Variants in PTPRD observed in about 807,000 individuals in gnomAD.
PTPRD encodes receptor-type tyrosine-protein phosphatase delta.
A neutral mutation model predicts 214.5 loss-of-function variants in PTPRD; 34 were observed. The observed-to-expected ratio is 0.16, with a 90% confidence interval of 0.12 to 0.21. PTPRD has a LOEUF of 0.21. Among genes scored for constraint, PTPRD ranks in the 10% least tolerant of loss-of-function variants. PTPRD has a pLI of 1.00. For synonymous variants in PTPRD, 1,128 were observed against 845.7 expected (o/e 1.33, Z -5.79); for missense variants, 2,545 against 2,398.7 (o/e 1.06, Z -1.27).
intron 2 of PTPRD, among the ~76,000 whole-genome samples, chr9:10,521,262 T>C (rs2052162277): frequency 6.6e-6 from 1 of 152,058 alleles, no homozygotes; most frequent in Non-Finnish European, 1.5e-5. Context: ...TGGATGAAGT[T>C]ACTACAGAGG....
chr9:8,781,369 T>G (rs2095689051), intron 11 of PTPRD, among the ~76,000 whole-genome samples: 1 of 152,126 alleles, frequency 6.6e-6, no homozygotes, highest in South Asian at 2.1e-4. Flanking sequence ...GAGTGAAAAT[T>G]ACCAGTTCCA....
chr9:9,801,308 G>T (rs75359144), intron 5 of PTPRD, among the ~76,000 whole-genome samples: 3,004 of 150,662 alleles, frequency 0.02, 95 homozygotes, highest in African/African-American at 0.07. Flanking sequence ...TCTCTATGCT[G>T]TATCAGGTAT....
chr9:9,120,297 T>A (rs1175443327), intron 10 of PTPRD, among the ~76,000 whole-genome samples: 1 of 152,316 alleles, frequency 6.6e-6, no homozygotes, highest in South Asian at 2.1e-4. Context: ...TGGGGGAGCA[T>A]CAGCTTGGGA....
At chr9:10,451,626 G>T (rs1442110925) in intron 2 of PTPRD, among the ~76,000 whole-genome samples, 1 of 151,472 alleles carries the variant, frequency 6.6e-6, no homozygotes, top group Non-Finnish European at 1.5e-5. Flanking sequence ...TCAGCAACTA[G>T]ATCAGTGACA....
At chr9:8,665,348 G>A (rs1308099338) in intron 12 of PTPRD, among the ~76,000 whole-genome samples, 2 of 152,188 alleles carry the variant, frequency 1.3e-5, no homozygotes, top group East Asian at 3.9e-4. Flanking sequence ...GCACTGGGGA[G>A]TAGCATGATG....
At chr9:8,904,819 T>C (rs1433945156) in intron 11 of PTPRD, among the ~76,000 whole-genome samples, 3 of 152,190 alleles carry the variant, frequency 2.0e-5, no homozygotes, top group Admixed American at 6.5e-5. Context: ...TGTACACTCA[T>C]AATGCATGTT....
intron 12 of PTPRD, among the ~76,000 whole-genome samples, chr9:8,722,607 T>G (rs2098513068): frequency 1.3e-5 from 2 of 152,208 alleles, no homozygotes; most frequent in African/African-American, 4.8e-5. Flanking sequence ...TGCTGTAATT[T>G]TGACAAAATG....
intron 8 of PTPRD, among the ~76,000 whole-genome samples, chr9:9,417,536 T>C (rs1390320432): frequency 6.6e-6 from 1 of 152,088 alleles, no homozygotes; most frequent in Non-Finnish European, 1.5e-5. Context: ...CTCCAGTTCA[T>C]TCTTTCTAAT....
rs118158416 is a variant in PTPRD at position 10,437,187 on chromosome 9, G to T, written c.-599-96170C>A. On this transcript the variant is annotated intron_variant, in intron 2 of 45. Transcript: ENST00000381196. ...ATCCTCATGAGACTATATGAAATTTGAAATGGTTTTGGAATCCACATTTTA... is the reference window on the plus strand; with the variant it reads ...ATCCTCATGAGACTATATGAAATTTTAAATGGTTTTGGAATCCACATTTTA... Among the ~76,000 whole-genome samples, 9 of 151,844 alleles carry T rather than the reference G, an allele frequency of 5.9e-5. No homozygotes were observed. In the East Asian group the frequency reaches 1.8e-3, roughly 30 times the overall value.
chr9:9,767,835 A>C (rs980444092), intron 5 of PTPRD, among the ~76,000 whole-genome samples: 23 of 152,292 alleles, frequency 1.5e-4, no homozygotes, highest in Admixed American at 3.9e-4. Flanking sequence ...TTCTAGAAGA[A>C]ACCTAACTGG....
At chr9:9,152,213 C>A (rs1410329976) in intron 10 of PTPRD, among the ~76,000 whole-genome samples, 4 of 152,146 alleles carry the variant, frequency 2.6e-5, no homozygotes, top group Non-Finnish European at 5.9e-5. Flanking sequence ...AGCTTTCTGG[C>A]AAATCAGAGC....
At chr9:8,933,726 G>A (rs1269704731) in intron 11 of PTPRD, among the ~76,000 whole-genome samples, 1 of 152,032 alleles carries the variant, frequency 6.6e-6, no homozygotes, top group Non-Finnish European at 1.5e-5. Flanking sequence ...CTATTTTGGG[G>A]TTCAAATGAC....
intron 2 of PTPRD, among the ~76,000 whole-genome samples, chr9:10,510,143 G>C (rs2133733630): frequency 6.6e-6 from 1 of 152,092 alleles, no homozygotes; most frequent in South Asian, 2.1e-4. Flanking sequence ...CTTTGTATTT[G>C]GCCTTAGAAT....
chr9:8,727,050 A>T (rs2098589966), intron 12 of PTPRD, among the ~76,000 whole-genome samples: 1 of 152,088 alleles, frequency 6.6e-6, no homozygotes, highest in South Asian at 2.1e-4. Flanking sequence ...AGAAGTTAAG[A>T]ATGTTAAGGG....
At chr9:9,789,790 CTGTCTCAAAAAA>C (rs2098954051) in intron 5 of PTPRD, among the ~76,000 whole-genome samples, 4 of 71,800 alleles carry the variant, frequency 5.6e-5, no homozygotes, top group African/African-American at 2.3e-4. Flanking sequence ...GAGCCAAACT[CTGTCTCAAAAAA>C]AAAAAAAAAA....
At chr9:9,859,120 T>A (rs879560032) in intron 5 of PTPRD, among the ~76,000 whole-genome samples, 7 of 152,154 alleles carry the variant, frequency 4.6e-5, no homozygotes, top group Admixed American at 2.0e-4. Flanking sequence ...TCCCCCATGC[T>A]CACACGCACA....
chr9:8,873,373 T>C (rs1279067856), intron 11 of PTPRD, among the ~76,000 whole-genome samples: 1 of 152,224 alleles, frequency 6.6e-6, no homozygotes, highest in East Asian at 1.9e-4. Flanking sequence ...GTTTTAATTA[T>C]TTCTTTAATA....
chr9:10,207,046 G>A (rs985375201), intron 3 of PTPRD, among the ~76,000 whole-genome samples: 1 of 152,036 alleles, frequency 6.6e-6, no homozygotes, highest in African/African-American at 2.4e-5. Context: ...GAGCTGATGA[G>A]TTTTATTGTA....
At chr9:9,953,616 C>T (rs1348148871) in intron 4 of PTPRD, among the ~76,000 whole-genome samples, 1 of 152,016 alleles carries the variant, frequency 6.6e-6, no homozygotes, top group African/African-American at 2.4e-5. Flanking sequence ...CATGTAGGAT[C>T]TGGTATTTGT....
Sources: allele counts gnomAD v4.1 joint callset (sites outside exome capture counted in the v4.1 genomes callset), GRCh38; gene constraint gnomAD v4.1.1; transcripts MANE v1.5; gene names NCBI Gene and HGNC (gene_info 2026-07-23, HGNC 2026-07-21).